The following HS6ST3 variants were observed in gnomAD, a reference collection of about 807,000 sequenced individuals.
The protein encoded by HS6ST3 is heparan-sulfate 6-O-sulfotransferase 3.
In HS6ST3, 12 loss-of-function variants were observed where a neutral mutation model predicts 36.7. The ratio of observed to expected loss-of-function variants is 0.33; its 90% CI spans 0.21 to 0.53. The LOEUF (loss-of-function observed/expected upper bound fraction) is 0.53. HS6ST3 is among the 20% of genes least tolerant of loss of function. The pLI is 0.95. For synonymous variants in HS6ST3, 240 were observed against 257.5 expected, an observed-to-expected ratio of 0.93 and a Z score of 0.65; for missense variants, 584 against 640.9, an observed-to-expected ratio of 0.91 and a Z score of 0.96.
Position 96,769,305 on chromosome 13 carries a change from T to A in HS6ST3, c.708-63185T>A, listed in dbSNP as rs1349991664. On this transcript the variant is annotated intron_variant, in intron 1 of 1. Transcript: ENST00000376705. ...CATTCCTGACTTTATTTATTTATTT[T>A]TTTATTATACTTTAAGTTTTAGGGT... 3.9e-5 allele frequency among the ~76,000 whole-genome samples: 6 copies of A among 152,094 alleles called. No individual in the cohort carries two copies. The East Asian group carries it at 1.2e-3, about 29-fold the overall frequency.
chr13:96,679,296 T>C (rs535854591), intron 1 of HS6ST3, among the ~76,000 whole-genome samples: 13 of 151,722 alleles, frequency 8.6e-5, no homozygotes, highest in Admixed American at 5.9e-4. Context: ...TGGACTGATG[T>C]CTGAGCTAAT....
rs2138554834 is a variant in HS6ST3, at chr13:96,837,374, C to T, written c.*4176C>T. On this transcript the variant is annotated 3_prime_UTR_variant, in exon 2 of 2. Coordinates refer to ENST00000376705, the MANE Select transcript of HS6ST3 (RefSeq NM_153456.4). ...TGCTAAATAGGACCTCTATTCATTACACCACTTGCTAGTTTGGGATGGAGA... is the reference window on the plus strand; with the variant it reads ...TGCTAAATAGGACCTCTATTCATTATACCACTTGCTAGTTTGGGATGGAGA... The T allele has an allele frequency of 6.6e-6, 1 of 152,286 alleles. No homozygotes were observed. Among genetic ancestry groups the T allele is most frequent in the Admixed American group, 6.5e-5 (1 of 15,300 alleles). The allele number at this position is 152,286 out of a possible 1,614,324, so 9.4% of individuals were successfully genotyped here.
intron 1 of HS6ST3, among the ~76,000 whole-genome samples, chr13:96,217,001 G>A (rs1016200748): frequency 6.6e-6 from 1 of 152,140 alleles, no homozygotes; most frequent in Non-Finnish European, 1.5e-5. Flanking sequence ...ACCACACCCT[G>A]TCTTCTCTCT....
intron 1 of HS6ST3, among the ~76,000 whole-genome samples, chr13:96,626,609 C>A (rs1182298523): frequency 1.3e-5 from 2 of 151,914 alleles, no homozygotes; most frequent in African/African-American, 2.4e-5. Context: ...ATTTACTATT[C>A]CATGTAAAAT....
chr13:96,261,041 A>G (rs1379371741), intron 1 of HS6ST3, among the ~76,000 whole-genome samples: 1 of 152,172 alleles, frequency 6.6e-6, no homozygotes, highest in Admixed American at 6.5e-5. Context: ...GAATCATAAG[A>G]ACAACAATTC....
At chr13:96,710,888 C>G (rs1875546208) in intron 1 of HS6ST3, among the ~76,000 whole-genome samples, 1 of 152,196 alleles carries the variant, frequency 6.6e-6, no homozygotes, top group Non-Finnish European at 1.5e-5. Context: ...TGTCCCTGTT[C>G]TTTAACAAGA....
chr13:96,795,085 C>T (rs911518867), intron 1 of HS6ST3, among the ~76,000 whole-genome samples: 1 of 151,990 alleles, frequency 6.6e-6, no homozygotes, highest in South Asian at 2.1e-4. Flanking sequence ...AAAAAAATAG[C>T]TCACTGCCTA....
At chr13:96,494,400 G>C (rs2055962869) in intron 1 of HS6ST3, among the ~76,000 whole-genome samples, 1 of 123,588 alleles carries the variant, frequency 8.1e-6, no homozygotes, top group South Asian at 3.4e-4. Context: ...TGTGGGGTGG[G>C]GGGAGGGGGG....
Position 96,101,113 on chromosome 13 carries a change from A to C in HS6ST3, c.707+9544A>C, listed in dbSNP as rs149036060. ...CTTAGTACCCCAGAATCATCTGATA[A>C]TAGTGACAGATTTGGCCAGTCGTAT... On this transcript the variant is annotated intron_variant, in intron 1 of 1. Transcript: ENST00000376705. Among the ~76,000 whole-genome samples the C allele has an allele frequency of 9.6e-3, 1,460 of 152,314 alleles. 19 individuals carry two copies. Among genetic ancestry groups the C allele is most frequent in the African/African-American group, 0.033 (1,387 of 41,576 alleles).
At chr13:96,829,273 AG>A (rs1326590523) in intron 1 of HS6ST3, among the ~76,000 whole-genome samples, 1 of 152,076 alleles carries the variant, frequency 6.6e-6, no homozygotes, top group Non-Finnish European at 1.5e-5. Flanking sequence ...TTTGAGAAGA[AG>A]GGGGTAAGAG....
At chr13:96,244,620 A>G (rs1040567184) in intron 1 of HS6ST3, among the ~76,000 whole-genome samples, 4 of 152,190 alleles carry the variant, frequency 2.6e-5, no homozygotes, top group African/African-American at 7.2e-5. Context: ...CTATTAATCA[A>G]TGGAAAAAAA....
At chr13:96,241,098 A>G (rs1459114540) in intron 1 of HS6ST3, among the ~76,000 whole-genome samples, 2 of 151,918 alleles carry the variant, frequency 1.3e-5, no homozygotes, top group African/African-American at 2.4e-5. Context: ...TGAATGATCT[A>G]AATGAGAGGG....
At position 96,670,188 on chromosome 13, in the gene HS6ST3, G is replaced by T. The variant is rs1234972494; in HGVS notation, c.708-162302G>T. Reference sequence around the variant, plus strand: ...TGTGGCATCCTGGAAACCAAATAAAGAAAATGTTTTCAGAAGATGGGAGTG... The same window carrying T: ...TGTGGCATCCTGGAAACCAAATAAATAAAATGTTTTCAGAAGATGGGAGTG... On this transcript the variant is annotated intron_variant, in intron 1 of 1. Coordinates refer to ENST00000376705, the MANE Select transcript of HS6ST3 (RefSeq NM_153456.4). Among the ~76,000 whole-genome samples, 153 of 152,126 alleles carry T rather than the reference G, an allele frequency of 1.0e-3. 1 individual carries two copies. Among genetic ancestry groups the T allele is most frequent in the Non-Finnish European group, 4.4e-5 (3 of 68,012 alleles).
intron 1 of HS6ST3, among the ~76,000 whole-genome samples, chr13:96,263,426 A>G (rs2054676238): frequency 6.6e-6 from 1 of 152,224 alleles, no homozygotes; most frequent in South Asian, 2.1e-4. Context: ...AGAAGGGAAA[A>G]TACATGTGAG....
chr13:96,411,480 G>A (rs757361971), intron 1 of HS6ST3, among the ~76,000 whole-genome samples: 29 of 152,198 alleles, frequency 1.9e-4, no homozygotes, highest in Non-Finnish European at 3.8e-4. Flanking sequence ...AAACATTTTG[G>A]TGGGAGTAGA....
chr13:96,215,843 C>A (rs946081593), intron 1 of HS6ST3, among the ~76,000 whole-genome samples: 1 of 152,090 alleles, frequency 6.6e-6, no homozygotes, highest in African/African-American at 2.4e-5. Context: ...TCTAATGCTG[C>A]ATTTTTCATC....
intron 1 of HS6ST3, among the ~76,000 whole-genome samples, chr13:96,705,137 A>G (rs540985523): frequency 3.3e-5 from 5 of 152,172 alleles, no homozygotes; most frequent in African/African-American, 9.6e-5. Flanking sequence ...GTTATCACCC[A>G]AAGTCCATCA....
At chr13:96,635,444 C>G (rs1048081221) in intron 1 of HS6ST3, among the ~76,000 whole-genome samples, 1 of 152,016 alleles carries the variant, frequency 6.6e-6, no homozygotes, top group African/African-American at 2.4e-5. Flanking sequence ...GAACCCACCC[C>G]CCTCTTCACT....
At chr13:96,512,014 C>G (rs892218746) in intron 1 of HS6ST3, among the ~76,000 whole-genome samples, 2 of 152,098 alleles carry the variant, frequency 1.3e-5, no homozygotes, top group African/African-American at 4.8e-5. Flanking sequence ...TATGTATGTA[C>G]AAAATTACAT....
Sources: gnomAD v4.1 joint callset for allele counts (sites outside exome capture counted in the v4.1 genomes callset) on GRCh38, gnomAD v4.1.1 for gene constraint, MANE v1.5 for transcripts, NCBI Gene and HGNC (gene_info 2026-07-23, HGNC 2026-07-21) for gene names.